Variants in TACC1 observed in about 807,000 individuals in gnomAD.
The protein encoded by TACC1 is transforming acidic coiled-coil-containing protein 1.
TACC1 carries 48 observed loss-of-function variants against 84.4 expected under a neutral mutation model. That is an observed-to-expected ratio of 0.57 (90% CI 0.45 to 0.72). The LOEUF (loss-of-function observed/expected upper bound fraction) is 0.72, where lower values mean the gene tolerates loss of function less well. Among genes scored for constraint, TACC1 ranks in the 30% least tolerant of loss-of-function variants. The probability of loss-of-function intolerance (pLI) is 0.00; values close to 1 mark genes in which losing one functional copy is unlikely to be tolerated. For synonymous variants in TACC1, 372 were observed against 376.3 expected, an observed-to-expected ratio of 0.99 and a Z score of 0.13; for missense variants, 920 against 973.0, an observed-to-expected ratio of 0.95 and a Z score of 0.72.
At chr8:38,760,539 G>GT (rs924469401) in intron 3 of TACC1, among the ~76,000 whole-genome samples, 65 of 148,924 alleles carry the variant, frequency 4.4e-4, no homozygotes, top group Admixed American at 9.4e-4. Context: ...AGACCTAATT[G>GT]TTTTTTTTTT....
At chr8:38,765,777 A>G (rs1316474700) in intron 3 of TACC1, among the ~76,000 whole-genome samples, 1 of 152,218 alleles carries the variant, frequency 6.6e-6, no homozygotes, top group East Asian at 1.9e-4. Context: ...GACGGGACAT[A>G]TGCCGAAAAG....
chr8:38,825,079 T>G (rs562148640), intron 3 of TACC1, among the ~76,000 whole-genome samples: 2 of 151,796 alleles, frequency 1.3e-5, no homozygotes, highest in East Asian at 3.9e-4. Context: ...GCTGAGGGGG[T>G]CTTTTCAGAG....
At chr8:38,751,762 A>G (rs562949333) in intron 3 of TACC1, among the ~76,000 whole-genome samples, 40 of 152,258 alleles carry the variant, frequency 2.6e-4, no homozygotes, top group Non-Finnish European at 4.9e-4. Flanking sequence ...GTGATTCGCT[A>G]TATTGCAATA....
rs772866796 is a variant in TACC1, at chr8:38,742,371, G to C, written c.-654G>C. 4.8e-6 allele frequency: 7 copies of C among 1,473,364 alleles called. No homozygotes were observed. The South Asian group carries it at 9.3e-5, about 20-fold the overall frequency. The allele number at this position is 1,473,364 out of a possible 1,614,324, so 91.3% of individuals were successfully genotyped here. ...TCCAGTCCCAAGGGTTCCAAGGCCAGAGAGAGGTCCTGGTCTTGATTGCTG... is the reference window on the plus strand; with the variant it reads ...TCCAGTCCCAAGGGTTCCAAGGCCACAGAGAGGTCCTGGTCTTGATTGCTG... On this transcript the variant is annotated 5_prime_UTR_variant, in exon 2 of 15. Coordinates refer to the TACC1 transcript ENST00000518415.
intron 2 of TACC1, among the ~76,000 whole-genome samples, chr8:38,813,684 T>G (rs929845919): frequency 2.0e-5 from 3 of 152,228 alleles, no homozygotes; most frequent in African/African-American, 7.2e-5. Flanking sequence ...AGGTTTTCTC[T>G]TCACCTCTGG....
In TACC1 at chr8:38,838,502, G is replaced by A; in HGVS notation, c.1872G>A (p.Trp624Ter). The A allele has an allele frequency of 6.2e-7, 1 of 1,613,902 alleles. No homozygotes were observed. The highest frequency in any genetic ancestry group is 8.5e-7 in the Non-Finnish European group (1 of 1,179,818). The change falls in exon 8 of 13, where the codon TGG becomes TGA. Residue 624 changes from tryptophan (W) to a stop codon, truncating the protein, a stop_gained. Transcript: ENST00000317827. LOFTEE classifies it high-confidence loss of function. ...CTAAAGAGATTGAAGCAAATGAATG[G>A]AAGAAGAAATACGAAGAGACCCGGC... ...IITKEIEANEWKKKYEETRQE... is the reference protein window; with the variant it reads ...IITKEIEANE
intron 2 of TACC1, among the ~76,000 whole-genome samples, chr8:38,803,829 T>G (rs1283829213): frequency 1.3e-5 from 2 of 152,192 alleles, no homozygotes; most frequent in African/African-American, 4.8e-5. Context: ...TTGGAAAAGT[T>G]TACAAGCAAT....
At chr8:38,813,203 C>A (rs984802158) in intron 2 of TACC1, among the ~76,000 whole-genome samples, 1 of 152,102 alleles carries the variant, frequency 6.6e-6, no homozygotes, top group Non-Finnish European at 1.5e-5. Context: ...CCTCTAAGGA[C>A]GTCCATTTTT....
chr8:38,848,916 C>T lies in TACC1; in HGVS notation c.*893C>T, dbSNP rs977417663. On this transcript the variant is annotated 3_prime_UTR_variant, in exon 13 of 13. Transcript: ENST00000317827. ...CTGCCCTAGAGTCATTTACTCTCCT[C>T]TGCCTCCATTTGTTAATACAGAATC... 6.6e-6 allele frequency: 1 copy of T among 151,934 alleles called. No homozygotes were observed. The highest frequency in any genetic ancestry group is 1.5e-5 in the Non-Finnish European group (1 of 68,018). 9.4% of individuals were successfully genotyped at this position (151,934 alleles called of 1,614,324 possible).
chr8:38,845,263 G>A (rs1367051036), intron 11 of TACC1, among the ~76,000 whole-genome samples: 1 of 152,156 alleles, frequency 6.6e-6, no homozygotes, highest in Non-Finnish European at 1.5e-5. Flanking sequence ...ATACATGCTT[G>A]TACATTTTGC....
chr8:38,783,420 ATTTTC>A (rs930152748), upstream of TACC1, among the ~76,000 whole-genome samples: 6 of 149,402 alleles, frequency 4.0e-5, no homozygotes, highest in African/African-American at 1.5e-4. Flanking sequence ...CTGAAAGAGT[ATTTTC>A]TTTTTTTTTT....
At chr8:38,836,594 G>A (rs1830283679) in intron 7 of TACC1, among the ~76,000 whole-genome samples, 1 of 152,140 alleles carries the variant, frequency 6.6e-6, no homozygotes, top group Non-Finnish European at 1.5e-5. Flanking sequence ...AACTAAATCA[G>A]TGCTTTTATT....
intron 3 of TACC1, among the ~76,000 whole-genome samples, chr8:38,745,936 C>G (rs1431381749): frequency 1.3e-5 from 2 of 152,184 alleles, no homozygotes; most frequent in Non-Finnish European, 2.9e-5. Flanking sequence ...GCTTTAAACT[C>G]CTGGGCTCAA....
intron 10 of TACC1, 118 bp downstream of exon 10, chr8:38,842,565 G>T: frequency 9.0e-7 from 1 of 1,115,360 alleles, no homozygotes; most frequent in Non-Finnish European, 1.3e-6. Context: ...GGAGCTCAGG[G>T]CCTACTGGCC....
chr8:38,827,847 G>A (rs1454917479), intron 5 of TACC1: 1 of 161,364 alleles, frequency 6.2e-6, no homozygotes, highest in Non-Finnish European at 1.4e-5. Context: ...GGGGGAGCAA[G>A]TGTGTCACAT....
chr8:38,735,630 C>G (rs1039808464), intron 1 of TACC1, among the ~76,000 whole-genome samples: 10 of 152,314 alleles, frequency 6.6e-5, no homozygotes, highest in African/African-American at 2.4e-4. Flanking sequence ...TCTCCCCTGA[C>G]CCTTCAGGCC....
chr8:38,827,556 A>C lies in TACC1; in HGVS notation c.1660+181A>C. ...AGGGACACAAAGTGCTTATTGAAGT[A>C]CTAGGAACGTAGAGATACTTGTGAC... On this transcript the variant is annotated intron_variant, in intron 5 of 12. Transcript: ENST00000317827. 4.8e-6 allele frequency: 3 copies of C among 629,006 alleles called. No homozygotes were observed. In the East Asian group the frequency reaches 8.3e-5, roughly 17 times the overall value. 39.0% of individuals were successfully genotyped at this position (629,006 alleles called of 1,614,324 possible).
rs1406031766 is a variant in TACC1 at position 38,788,708 on chromosome 8, G to A, written c.166G>A (p.Asp56Asn). 1 of 1,612,656 alleles carries A rather than the reference G, an allele frequency of 6.2e-7. No individual in the cohort carries two copies. Among genetic ancestry groups the A allele is most frequent in the Admixed American group, 1.7e-5 (1 of 59,748 alleles). ...CTCATTTTTCCTCCTTGGCAGCTCG[G>A]ATTCTGAAGGTAATTTTGAGACTCC... is the stretch of plus-strand genomic sequence containing the variant. The part of the protein sequence containing the change: ...AETKSLSFSS[D>N]SEGNFETPEA... The change falls in exon 2 of 13, where the codon GAT (aspartate) becomes AAT (asparagine). Residue 56 changes from aspartate (D) to asparagine (N), a missense_variant. By Grantham distance (23) the Asp-to-Asn change is conservative. Coordinates refer to ENST00000317827, the MANE Select transcript of TACC1 (RefSeq NM_006283.3).
intron 1 of TACC1, among the ~76,000 whole-genome samples, chr8:38,732,432 C>A (rs187305422): frequency 0.035 from 5,197 of 149,796 alleles, 122 homozygotes; most frequent in South Asian, 0.057. Flanking sequence ...ACAACAACAA[C>A]AAAAAAAAAC....
Sources: allele counts gnomAD v4.1 joint callset (sites outside exome capture counted in the v4.1 genomes callset), GRCh38; gene constraint gnomAD v4.1.1; transcripts MANE v1.5; gene names NCBI Gene and HGNC (gene_info 2026-07-23, HGNC 2026-07-21).